SOX5: variants seen among roughly 807,000 people sequenced by gnomAD.
SOX5 encodes transcription factor SOX-5.
Under a neutral mutation model 92.0 loss-of-function variants are expected in SOX5, and 9 were observed. The ratio of observed to expected loss-of-function variants is 0.10; its 90% CI spans 0.06 to 0.17. The LOEUF is 0.17. Ranked by LOEUF, SOX5 falls within the 10% of genes least tolerant of loss-of-function variation. SOX5 has a pLI of 1.00. For missense variants in SOX5, 642 were observed against 944.5 expected (o/e 0.68, Z 4.20); for synonymous variants, 344 against 336.3 (o/e 1.02, Z -0.25).
At chr12:24,506,973 G>T (rs931137539) in intron 1 of SOX5, among the ~76,000 whole-genome samples, 2 of 151,492 alleles carry the variant, frequency 1.3e-5, no homozygotes, top group African/African-American at 4.9e-5. Context: ...TGTATTTTTA[G>T]TAGAGACGGG....
rs66700500 is a variant in SOX5, at chr12:24,007,793, G to GCA, written c.-1-111771_-1-111770dup. On this transcript the variant is annotated intron_variant, in intron 4 of 4. Coordinates refer to the SOX5 transcript ENST00000446891. ...TGTATTTATATATACACATACGCAC[G>GCA]CACACACACACACACACACACACAC... 7.6e-3 allele frequency among the ~76,000 whole-genome samples: 263 copies of GCA among 34,816 alleles called. 78 individuals are homozygous for GCA. Among genetic ancestry groups the GCA allele is most frequent in the African/African-American group, 0.02 (254 of 12,884 alleles). 22.8% of individuals were successfully genotyped at this position (34,816 alleles called of 152,430 possible). A position where few individuals can be genotyped will look rare whatever the true frequency, so the allele number is the denominator to read the frequency against.
chr12:23,702,411 A>C (rs79226592), intron 6 of SOX5, among the ~76,000 whole-genome samples: 15,081 of 152,058 alleles, frequency 0.099, 1,157 homozygotes, highest in African/African-American at 0.22. Context: ...TTGGGTATTT[A>C]ACTGAGTGGT....
At chr12:24,119,827 C>T (rs935522103) in intron 4 of SOX5, among the ~76,000 whole-genome samples, 2 of 152,134 alleles carry the variant, frequency 1.3e-5, no homozygotes, top group South Asian at 2.1e-4. Context: ...AGCCTCTCTT[C>T]TTTTATTCCT....
chr12:24,053,199 T>G (rs866801198), intron 4 of SOX5, among the ~76,000 whole-genome samples: 11 of 151,542 alleles, frequency 7.3e-5, no homozygotes, highest in Admixed American at 1.3e-4. Context: ...TTTTTTTTTT[T>G]GAGATGGAGT....
intron 1 of SOX5, among the ~76,000 whole-genome samples, chr12:24,375,280 T>A (rs1319368928): frequency 6.6e-6 from 1 of 151,894 alleles, no homozygotes; most frequent in Non-Finnish European, 1.5e-5. Context: ...GCAAGAGTGG[T>A]GTCTCTTTAC....
chr12:23,907,234 TAGAGGA>T (rs1005864395), intron 1 of SOX5, among the ~76,000 whole-genome samples: 1 of 151,898 alleles, frequency 6.6e-6, no homozygotes, highest in African/African-American at 2.4e-5. Context: ...AAAGAGGAAT[TAGAGGA>T]AGAGGAGGAA....
intron 4 of SOX5, among the ~76,000 whole-genome samples, chr12:24,111,821 T>C (rs1381759165): frequency 6.6e-6 from 1 of 152,210 alleles, no homozygotes; most frequent in Non-Finnish European, 1.5e-5. Context: ...ACAACTTCAA[T>C]CATTACTCAT....
At chr12:23,955,440 T>C (rs1227321197), upstream of SOX5, among the ~76,000 whole-genome samples, 1 of 152,202 alleles carries the variant, frequency 6.6e-6, no homozygotes, top group Non-Finnish European at 1.5e-5. Context: ...TAGGTTTCCT[T>C]GCCTAATACG....
At chr12:23,838,046 A>G (rs1421537415) in intron 3 of SOX5, among the ~76,000 whole-genome samples, 26 of 95,448 alleles carry the variant, frequency 2.7e-4, no homozygotes, top group East Asian at 1.4e-3. Context: ...TTTTTATATA[A>G]TATATATTTA....
intron 9 of SOX5, chr12:23,584,504 T>G: frequency 7.5e-7 from 1 of 1,332,332 alleles, no homozygotes; most frequent in South Asian, 1.2e-5. Flanking sequence ...TATTACGAGC[T>G]CCAATTAATT....
intron 2 of SOX5, among the ~76,000 whole-genome samples, chr12:23,850,612 ACTTGT>A (rs2096623166): frequency 6.6e-6 from 1 of 152,036 alleles, no homozygotes; most frequent in African/African-American, 2.4e-5. Context: ...AAATTTCACT[ACTTGT>A]AATCTCTTCT....
intron 4 of SOX5, among the ~76,000 whole-genome samples, chr12:24,013,623 A>G (rs1246239126): frequency 6.6e-6 from 1 of 152,182 alleles, no homozygotes; most frequent in African/African-American, 2.4e-5. Context: ...GGTCTGCTAT[A>G]GTGAACTAAT....
At chr12:24,239,011 T>TTA (rs1175862819) in intron 3 of SOX5, among the ~76,000 whole-genome samples, 1 of 152,194 alleles carries the variant, frequency 6.6e-6, no homozygotes, top group African/African-American at 2.4e-5. Flanking sequence ...TGCCTTTTAT[T>TTA]TATAAGCATC....
chr12:24,145,018 G>A (rs1466922281), intron 4 of SOX5, among the ~76,000 whole-genome samples: 2 of 151,694 alleles, frequency 1.3e-5, no homozygotes, highest in African/African-American at 4.8e-5. Context: ...CCTGAGCCTG[G>A]GAAGGTCAAG....
intron 6 of SOX5, among the ~76,000 whole-genome samples, chr12:23,674,620 G>A (rs989905678): frequency 2.6e-5 from 4 of 151,836 alleles, no homozygotes; most frequent in African/African-American, 9.7e-5. Flanking sequence ...TTACAGGCAT[G>A]AGCCACCGCA....
chr12:23,751,276 G>A (rs1171003988), intron 4 of SOX5, among the ~76,000 whole-genome samples: 2 of 151,738 alleles, frequency 1.3e-5, no homozygotes, highest in Non-Finnish European at 2.9e-5. Context: ...CATGTTTTAG[G>A]TTAATGTACA....
intron 1 of SOX5, among the ~76,000 whole-genome samples, chr12:24,553,320 G>T (rs1953400829): frequency 6.6e-6 from 1 of 152,162 alleles, no homozygotes; most frequent in South Asian, 2.1e-4. Context: ...TCTGTGAAAA[G>T]GTGCTAATAT....
At chr12:24,391,059 CTCTT>C (rs1382616750) in intron 1 of SOX5, among the ~76,000 whole-genome samples, 1 of 152,080 alleles carries the variant, frequency 6.6e-6, no homozygotes, top group Non-Finnish European at 1.5e-5. Flanking sequence ...CAAGTGTTCT[CTCTT>C]CTTCCCATTC....
At chr12:24,120,305 C>T (rs1948481241) in intron 4 of SOX5, among the ~76,000 whole-genome samples, 1 of 152,110 alleles carries the variant, frequency 6.6e-6, no homozygotes, top group Non-Finnish European at 1.5e-5. Context: ...ATTAGAGTTC[C>T]AGTTTCTCCA....
Sources: allele counts gnomAD v4.1 joint callset (sites outside exome capture counted in the v4.1 genomes callset), GRCh38; gene constraint gnomAD v4.1.1; transcripts MANE v1.5; gene names NCBI Gene and HGNC (gene_info 2026-07-23, HGNC 2026-07-21).